The following DHPS variants were observed in gnomAD, a reference collection of about 807,000 sequenced individuals.
The protein encoded by DHPS is deoxyhypusine synthase.
Under a neutral mutation model 38.7 loss-of-function variants are expected in DHPS, and 24 were observed. The ratio of observed to expected loss-of-function variants is 0.62; its 90% confidence interval spans 0.45 to 0.87. The LOEUF is 0.87. Ranked by LOEUF, DHPS falls within the 40% of genes least tolerant of loss-of-function variation. DHPS has a pLI of 0.00. For missense variants in DHPS, 510 were observed against 497.6 expected (o/e 1.02, Z -0.24); for synonymous variants, 250 against 204.4 (o/e 1.22, Z -1.90).
At chr19:12,675,547 G>A (rs1361836625), downstream of DHPS, 6 of 1,606,034 alleles carry the variant, frequency 3.7e-6, no homozygotes, top group East Asian at 2.2e-5. Flanking sequence ...GGCCCTGCCT[G>A]TGGGTTCCGG....
At chr19:12,677,585 G>T (rs561221935) in intron 5 of DHPS, among the ~76,000 whole-genome samples, 189 bp from the exon 6 acceptor site, 1 of 152,096 alleles carries the variant, frequency 6.6e-6, no homozygotes, top group African/African-American at 2.4e-5. Flanking sequence ...TTAGTATAGT[G>T]CCTGGCACAT....
intron 2 of DHPS, 98 bp downstream of exon 2, chr19:12,680,063 T>C (rs1269961960): frequency 6.4e-7 from 1 of 1,570,952 alleles, no homozygotes; most frequent in Admixed American, 1.7e-5. Flanking sequence ...ATTCCTCTGC[T>C]TATAACAGAC....
chr19:12,681,365 G>A lies in DHPS; in HGVS notation c.207+195C>T, dbSNP rs2024806206. ...CCTCCTCAGGTTACCGTACCAGCAT[G>A]TAACTACCAGAGTGCAAAATCCCCT... On this transcript the variant is annotated intron_variant, in intron 1 of 8. Coordinates refer to ENST00000210060, the MANE Select transcript of DHPS (RefSeq NM_001930.4). 3.1e-6 allele frequency: 3 copies of A among 979,818 alleles called. No homozygotes were observed. The South Asian group carries it at 5.1e-5, about 17-fold the overall frequency. The allele number at this position is 979,818 out of a possible 1,614,324, so 60.7% of individuals were successfully genotyped here. A position where few individuals can be genotyped will look rare whatever the true frequency, so the allele number is the denominator to read the frequency against.
In DHPS at chr19:12,681,826, A is replaced by G. The variant is rs2024830067; in HGVS notation, c.-60T>C. On this transcript the variant is annotated 5_prime_UTR_variant, in exon 1 of 9. Coordinates refer to ENST00000210060, the MANE Select transcript of DHPS (RefSeq NM_001930.4). ...CTAGGCCGGGCTTACGGCGGCCCAG[A>G]AACGCGTTAAACCCCGACGCGCGCG... 4 of 1,465,212 alleles carry G rather than the reference A, an allele frequency of 2.7e-6. No homozygotes were observed. Among genetic ancestry groups the G allele is most frequent in the East Asian group, 4.6e-5 (2 of 43,366 alleles). 90.8% of individuals were successfully genotyped at this position (1,465,212 alleles called of 1,614,324 possible). A position where few individuals can be genotyped will look rare whatever the true frequency, so the allele number is the denominator to read the frequency against.
intron 7 of DHPS, chr19:12,676,366 C>T: frequency 3.5e-6 from 2 of 570,224 alleles, no homozygotes; most frequent in Non-Finnish European, 6.0e-6. Flanking sequence ...GTGTCAACAA[C>T]CCTGCCCCAT....
intron 5 of DHPS, 135 bp from the exon 6 acceptor site, chr19:12,677,531 C>T (rs954382476): frequency 2.8e-6 from 2 of 701,940 alleles, no homozygotes; most frequent in Non-Finnish European, 4.8e-6. Context: ...AACAGAAACA[C>T]CTCTCACAGA....
chr19:12,677,079 G>A, intron 7 of DHPS, 29 bp downstream of exon 7: 2 of 1,598,472 alleles, frequency 1.3e-6, no homozygotes, highest in Non-Finnish European at 1.7e-6. Context: ...CATGTCTGCA[G>A]AGTGGGCCGA....
At chr19:12,677,552 A>G (rs2024651402) in intron 5 of DHPS, among the ~76,000 whole-genome samples, 156 bp from the exon 6 acceptor site, 1 of 152,204 alleles carries the variant, frequency 6.6e-6, no homozygotes, top group Non-Finnish European at 1.5e-5. Context: ...TGAGGCCTAT[A>G]TGAGAAAACC....
intron 5 of DHPS, 62 bp downstream of exon 5, chr19:12,679,395 A>G: frequency 6.8e-7 from 1 of 1,473,842 alleles, no homozygotes; most frequent in Non-Finnish European, 9.5e-7. Context: ...AGGAGGCTGG[A>G]AAGATGAAAT....
intron 1 of DHPS, among the ~76,000 whole-genome samples, chr19:12,680,595 G>C (rs1377128758): frequency 6.7e-6 from 1 of 150,090 alleles, no homozygotes; most frequent in Non-Finnish European, 1.5e-5. Flanking sequence ...GTGCAATGGC[G>C]CGATCTCGGC....
intron 1 of DHPS, 93 bp downstream of exon 1, chr19:12,681,467 C>G (rs2024810023): frequency 7.1e-7 from 1 of 1,405,800 alleles, no homozygotes; most frequent in African/African-American, 1.4e-5. Flanking sequence ...AAAGACATAT[C>G]CCCTCCACTG....
In DHPS at chr19:12,677,272, T is replaced by C. The variant is rs370385403; in HGVS notation, c.784+19A>G. The stretch of plus-strand genomic sequence containing the variant: ...AGCCAGCCCTCCTTCCCCTCTCCTC[T>C]GTGGCCCTAGCGCCTCACCCTCAAC... On this transcript the variant is annotated intron_variant, in intron 6 of 8. Transcript: ENST00000210060. 2 of 1,614,018 alleles carry C rather than the reference T, an allele frequency of 1.2e-6. No individual in the cohort carries two copies. Among genetic ancestry groups the C allele is most frequent in the Non-Finnish European group, 1.7e-6 (2 of 1,179,894 alleles).
chr19:12,681,502 G>T, intron 1 of DHPS, 58 bp downstream of exon 1: 1 of 1,588,488 alleles, frequency 6.3e-7, no homozygotes, highest in Non-Finnish European at 8.6e-7. Context: ...GTCTAGTACC[G>T]CGTTGGTTCT....
chr19:12,680,092 C>T (rs2024749504), intron 2 of DHPS, 69 bp downstream of exon 2: 1 of 1,596,454 alleles, frequency 6.3e-7, no homozygotes, highest in Non-Finnish European at 8.6e-7. Context: ...GCCCATCTCA[C>T]TTAAACGATC....
chr19:12,675,657 G>C, downstream of DHPS: 1 of 1,601,010 alleles, frequency 6.2e-7, no homozygotes, highest in Non-Finnish European at 8.5e-7. Context: ...ATGAGGCAGA[G>C]GATGGAGCAG....
intron 1 of DHPS, 36 bp downstream of exon 1, chr19:12,681,524 C>T (rs1391310995): frequency 3.1e-6 from 5 of 1,611,942 alleles, no homozygotes; most frequent in African/African-American, 2.7e-5. Flanking sequence ...CAAGCCACGC[C>T]CCTCCGCGTC....
Position 12,676,148 on chromosome 19 carries a change from G to C in DHPS, c.889-6C>G. On this transcript the variant is annotated splice_polypyrimidine_tract_variant and splice_region_variant and intron_variant, in intron 7 of 8. Coordinates refer to ENST00000210060, the MANE Select transcript of DHPS (RefSeq NM_001930.4). ...GCGTAGTCGGCCCCGTTCCGCTGTGGGGAGGCGGGGGCACGGTGGGCCCAG... is the reference window on the plus strand; with the variant it reads ...GCGTAGTCGGCCCCGTTCCGCTGTGCGGAGGCGGGGGCACGGTGGGCCCAG... 3.7e-6 allele frequency: 6 copies of C among 1,603,830 alleles called. No individual in the cohort carries two copies. Among genetic ancestry groups the C allele is most frequent in the Non-Finnish European group, 5.1e-6 (6 of 1,176,026 alleles).
At position 12,679,808 on chromosome 19, in the gene DHPS, T is replaced by C. The variant is rs1304364445; in HGVS notation, c.487A>G (p.Ile163Val). 6.2e-7 allele frequency: 1 copy of C among 1,614,088 alleles called. No homozygotes were observed. Among genetic ancestry groups the C allele is most frequent in the Admixed American group, 1.7e-5 (1 of 60,016 alleles). ...ACCACTCAGGGTTCTCACCTATTGA[T>C]CCCGTTCTCCCGGAGCTCCTTCCCC... ...LRGKELRENG[I>V]NRIGNLLVPN... The change falls in exon 3 of 9, where the codon ATC becomes GTC. Residue 163 changes from isoleucine to valine, a missense_variant. Physicochemically the swap from Ile to Val is conservative, Grantham distance 29. Transcript: ENST00000210060.
Position 12,675,905 on chromosome 19 carries a change from G to T in DHPS, c.1043C>A (p.Pro348His). Residue 348 changes from proline (P) to histidine (H), a missense_variant, in exon 9 of 9, where the codon CCC (proline) becomes CAC (histidine). Physicochemically the swap from Pro to His is moderately conservative, Grantham distance 77 (BLOSUM62 -2). Transcript: ENST00000210060. The part of the protein sequence containing the change: ...KVYADASLVF[P>H]LLVAETFAQK... ...GGCAAAGGTTTCAGCCACAAGCAGGGGGAAGACCAGGGAGGCGTCAGCATA... is the reference window on the plus strand; with the variant it reads ...GGCAAAGGTTTCAGCCACAAGCAGGTGGAAGACCAGGGAGGCGTCAGCATA... 6.2e-7 allele frequency: 1 copy of T among 1,609,346 alleles called. No individual in the cohort carries two copies. Among genetic ancestry groups the T allele is most frequent in the Non-Finnish European group, 8.5e-7 (1 of 1,177,662 alleles).
Sources: allele counts gnomAD v4.1 joint callset (sites outside exome capture counted in the v4.1 genomes callset), GRCh38; gene constraint gnomAD v4.1.1; transcripts MANE v1.5; gene names NCBI Gene and HGNC (gene_info 2026-07-23, HGNC 2026-07-21).